The following AP3S2 variants were observed in gnomAD, a reference collection of about 807,000 sequenced individuals.
AP3S2 encodes the protein adaptor related protein complex 3 subunit sigma 2.
In AP3S2, 22 loss-of-function variants were observed where a neutral mutation model predicts 23.4. The observed-to-expected ratio is 0.94, with a 90% CI of 0.67 to 1.34. AP3S2 has a LOEUF of 1.34. Among genes scored for constraint, AP3S2 ranks in the 40% most tolerant of loss-of-function variants. The pLI is 0.00. For synonymous variants in AP3S2, 86 were observed against 87.1 expected, an observed-to-expected ratio of 0.99 and a Z score of 0.07; for missense variants, 241 against 236.9, an observed-to-expected ratio of 1.02 and a Z score of -0.11.
chr15:89,884,057 C>A (rs1896636118), intron 3 of AP3S2: 1 of 154,062 alleles, frequency 6.5e-6, no homozygotes, highest in Non-Finnish European at 1.5e-5. Context: ...GATATTCAAC[C>A]TGTATACTCA....
intron 3 of AP3S2, among the ~76,000 whole-genome samples, chr15:89,872,956 ATCTAGGAAT>A (rs933020624): frequency 6.6e-6 from 1 of 152,226 alleles, no homozygotes; most frequent in African/African-American, 2.4e-5. Flanking sequence ...ATGCTCTATG[ATCTAGGAAT>A]TCTACTCCCA....
chr15:89,874,684 A>T (rs1234164799), intron 3 of AP3S2, among the ~76,000 whole-genome samples: 1 of 152,212 alleles, frequency 6.6e-6, no homozygotes, highest in Non-Finnish European at 1.5e-5. Context: ...TGGAAGGCTG[A>T]GGTGGGAGGA....
intron 4 of AP3S2, among the ~76,000 whole-genome samples, chr15:89,869,160 C>T (rs1318281850): frequency 7.2e-5 from 11 of 152,006 alleles, no homozygotes; most frequent in South Asian, 4.2e-4. Context: ...ATTGAGAAAT[C>T]GGATGGTTGC....
At chr15:89,845,951 C>T (rs1307620873) in intron 4 of AP3S2, among the ~76,000 whole-genome samples, 1 of 152,194 alleles carries the variant, frequency 6.6e-6, no homozygotes, top group Non-Finnish European at 1.5e-5. Flanking sequence ...TTTTTCAGTA[C>T]TTGGCAAATC....
Position 89,831,092 on chromosome 15 carries a change from CCT to C in AP3S2, c.*4421_*4422del, listed in dbSNP as rs1895067916. On this transcript the variant is annotated 3_prime_UTR_variant, in exon 6 of 6. Transcript: ENST00000336418. ...AGTTTTGAACTACATGAATGTATTT[CCT>C]TTTTTGAAAGGAAAATTGAAATAGG... is the stretch of plus-strand genomic sequence containing the variant. 1 of 152,324 alleles carries C rather than the reference CCT, an allele frequency of 6.6e-6. No individual in the cohort carries two copies. Among genetic ancestry groups the C allele is most frequent in the Non-Finnish European group, 1.5e-5 (1 of 68,156 alleles). 9.4% of individuals were successfully genotyped at this position (152,324 alleles called of 1,614,324 possible).
intron 1 of AP3S2, among the ~76,000 whole-genome samples, chr15:89,892,025 A>C (rs1896831980): frequency 6.6e-6 from 1 of 152,264 alleles, no homozygotes; most frequent in Non-Finnish European, 1.5e-5. Flanking sequence ...TATCCATATA[A>C]TGGAATATTA....
At chr15:89,856,421 C>T (rs1895837979) in intron 4 of AP3S2, among the ~76,000 whole-genome samples, 1 of 152,094 alleles carries the variant, frequency 6.6e-6, no homozygotes, top group Non-Finnish European at 1.5e-5. Flanking sequence ...AAAATTAGGG[C>T]TGGGCGTGGT....
intron 4 of AP3S2, among the ~76,000 whole-genome samples, chr15:89,857,898 G>A (rs1480720000): frequency 6.6e-6 from 1 of 152,170 alleles, no homozygotes; most frequent in Non-Finnish European, 1.5e-5. Context: ...GAGTGTACGA[G>A]GATGTGTCAC....
chr15:89,884,317 G>C, intron 3 of AP3S2, among the ~76,000 whole-genome samples: 1 of 151,662 alleles, frequency 6.6e-6, no homozygotes, highest in East Asian at 1.9e-4. Flanking sequence ...AATACTATTT[G>C]GACACAATGT....
Position 89,832,535 on chromosome 15 carries a change from C to T in AP3S2, c.*2980G>A, listed in dbSNP as rs1170854605. On this transcript the variant is annotated 3_prime_UTR_variant, in exon 6 of 6. Transcript: ENST00000336418. ...ACGGAGTCTTGCTGTGTTGCCCAGGCTGGAGTGTAGTGGTGCGATCTTGGC... is the reference window on the plus strand; with the variant it reads ...ACGGAGTCTTGCTGTGTTGCCCAGGTTGGAGTGTAGTGGTGCGATCTTGGC... 7.4e-6 allele frequency: 1 copy of T among 135,072 alleles called. No individual in the cohort carries two copies. The highest frequency in any genetic ancestry group is 2.8e-5 in the African/African-American group (1 of 35,654). 8.4% of individuals were successfully genotyped at this position (135,072 alleles called of 1,614,324 possible).
At chr15:89,856,279 T>C (rs1895833466) in intron 4 of AP3S2, among the ~76,000 whole-genome samples, 1 of 152,172 alleles carries the variant, frequency 6.6e-6, no homozygotes, top group Non-Finnish European at 1.5e-5. Context: ...AAAATGGGCC[T>C]TGGCTGGGTG....
At chr15:89,852,431 C>G (rs1233727522) in intron 4 of AP3S2, 1 of 152,202 alleles carries the variant, frequency 6.6e-6, no homozygotes, top group Non-Finnish European at 1.5e-5. Context: ...GGTGACAGAT[C>G]CTTCGCCTCC....
intron 4 of AP3S2, among the ~76,000 whole-genome samples, chr15:89,842,640 G>T (rs770912325): frequency 6.6e-6 from 1 of 152,176 alleles, no homozygotes; most frequent in African/African-American, 2.4e-5. Flanking sequence ...TTGAGACGGA[G>T]TCTCGCTCTG....
intron 4 of AP3S2, among the ~76,000 whole-genome samples, chr15:89,856,872 TAAA>T (rs146502390): frequency 1.7e-5 from 2 of 120,612 alleles, no homozygotes. Context: ...GACTCTGTCT[TAAA>T]AAAAAAAAAA....
chr15:89,892,640 T>A (rs1896845461), intron 1 of AP3S2, among the ~76,000 whole-genome samples: 1 of 150,664 alleles, frequency 6.6e-6, no homozygotes, highest in Non-Finnish European at 1.5e-5. Flanking sequence ...CGCTGAATAC[T>A]CATATACATA....
intron 3 of AP3S2, chr15:89,886,443 G>A (rs1346400436): frequency 6.6e-6 from 1 of 151,880 alleles, no homozygotes; most frequent in Non-Finnish European, 1.5e-5. Context: ...AATAACTGTG[G>A]CCCAATTTTT....
At chr15:89,842,799 G>C (rs1330290699) in intron 4 of AP3S2, among the ~76,000 whole-genome samples, 3 of 152,070 alleles carry the variant, frequency 2.0e-5, no homozygotes, top group Non-Finnish European at 4.4e-5. Flanking sequence ...TTTTAGTAGA[G>C]ACGGGGTTTT....
At chr15:89,844,257 T>C (rs865957064) in intron 4 of AP3S2, among the ~76,000 whole-genome samples, 13 of 47,626 alleles carry the variant, frequency 2.7e-4, no homozygotes, top group Admixed American at 5.6e-4. Context: ...CTTTCTTTCT[T>C]TCTTTCTTTC....
At chr15:89,880,277 T>C (rs1269767109) in intron 3 of AP3S2, among the ~76,000 whole-genome samples, 2 of 152,226 alleles carry the variant, frequency 1.3e-5, no homozygotes, top group Non-Finnish European at 2.9e-5. Flanking sequence ...TTGGGACCTT[T>C]ACAAATTATT....
Sources: gnomAD v4.1 joint callset for allele counts (sites outside exome capture counted in the v4.1 genomes callset) on GRCh38, gnomAD v4.1.1 for gene constraint, MANE v1.5 for transcripts, NCBI Gene and HGNC (gene_info 2026-07-23, HGNC 2026-07-21) for gene names.